The following PAICS variants were observed in gnomAD, a reference collection of about 807,000 sequenced individuals.
The protein encoded by PAICS is phosphoribosylaminoimidazole carboxylase and phosphoribosylaminoimidazolesuccinocarboxamide synthase.
Under a neutral mutation model 53.7 loss-of-function variants are expected in PAICS, and 33 were observed. The observed-to-expected ratio is 0.61, with a 90% CI of 0.47 to 0.82. PAICS has a LOEUF of 0.82. Ranked by LOEUF, PAICS falls within the 40% of genes least tolerant of loss-of-function variation. The probability of loss-of-function intolerance (pLI) is 0.00; values close to 1 mark genes in which losing one functional copy is unlikely to be tolerated. For synonymous variants in PAICS, 141 were observed against 167.2 expected, an observed-to-expected ratio of 0.84 and a Z score of 1.21; for missense variants, 394 against 494.1, an observed-to-expected ratio of 0.80 and a Z score of 1.92.
intron 1 of PAICS, among the ~76,000 whole-genome samples, chr4:56,437,576 A>G (rs1718082526): frequency 6.6e-6 from 1 of 151,964 alleles, no homozygotes; most frequent in South Asian, 2.1e-4. Flanking sequence ...AATCCCCAGC[A>G]CTTTGGGAGT....
rs1370337319 is a variant in PAICS, at chr4:56,452,037, A to T, written c.937A>T (p.Lys313Ter). The change falls in exon 7 of 9, where the codon AAA (lysine) becomes TAA (stop). Residue 313 changes from lysine (K) to a stop codon, truncating the protein, a stop_gained. Coordinates refer to ENST00000512576, the MANE Select transcript of PAICS (RefSeq NM_001079524.2). LOFTEE classifies it high-confidence loss of function. ...HKGPDETLRI[K>*]AEYEGDGIPT... Reference sequence around the variant, plus strand: ...AGGACCAGATGAAACTCTGAGGATTAAAGCTGAGTATGAAGGTAAACCACA... The same window carrying T: ...AGGACCAGATGAAACTCTGAGGATTTAAGCTGAGTATGAAGGTAAACCACA... 4.4e-6 allele frequency: 7 copies of T among 1,603,966 alleles called. No individual in the cohort carries two copies. The highest frequency in any genetic ancestry group is 5.1e-6 in the Non-Finnish European group (6 of 1,174,214).
Position 56,448,005 on chromosome 4 carries a change from TTC to T in PAICS, c.394-411_394-410del, listed in dbSNP as rs1373829037. Among the ~76,000 whole-genome samples, 59 of 110,302 alleles carry T rather than the reference TTC, an allele frequency of 5.3e-4. No individual in the cohort carries two copies. The South Asian group carries it at 7.4e-3, about 14-fold the overall frequency. The allele number at this position is 110,302 out of a possible 152,430, so 72.4% of individuals were successfully genotyped here. Reference sequence around the variant, plus strand: ...CACTGCACCTGGATCAAAATTTCTTTTCTTTTTTTTTTTTTTTTTTGAGATGG... The same window carrying T: ...CACTGCACCTGGATCAAAATTTCTTTTTTTTTTTTTTTTTTTTTGAGATGG... On this transcript the variant is annotated intron_variant, in intron 3 of 8. Coordinates refer to ENST00000512576, the MANE Select transcript of PAICS (RefSeq NM_001079524.2).
intron 1 of PAICS, among the ~76,000 whole-genome samples, chr4:56,441,200 A>AT: frequency 6.6e-6 from 1 of 152,128 alleles, no homozygotes; most frequent in East Asian, 1.9e-4. Flanking sequence ...AAAATCGCAT[A>AT]TTTTTTCCTG....
chr4:56,453,009 C>G (rs1431575115), intron 7 of PAICS, among the ~76,000 whole-genome samples: 1 of 152,052 alleles, frequency 6.6e-6, no homozygotes, highest in East Asian at 1.9e-4. Flanking sequence ...CAAATACATA[C>G]AATTTTGGAT....
At chr4:56,427,785 CCAAA>C in the PAICS span, among the ~76,000 whole-genome samples, 1 of 152,088 alleles carries the variant, frequency 6.6e-6, no homozygotes, top group African/African-American at 2.4e-5. Flanking sequence ...CATCATCACC[CCAAA>C]ATAATACTGG....
At chr4:56,447,749 T>C (rs1251143906) in intron 3 of PAICS, among the ~76,000 whole-genome samples, 1 of 152,204 alleles carries the variant, frequency 6.6e-6, no homozygotes, top group Non-Finnish European at 1.5e-5. Flanking sequence ...CTAAATACTT[T>C]GAATTTTAAA....
chr4:56,414,881 A>T, the PAICS span, among the ~76,000 whole-genome samples: 1 of 152,208 alleles, frequency 6.6e-6, no homozygotes, highest in Non-Finnish European at 1.5e-5. Flanking sequence ...TTCCTCGACA[A>T]CATTTTAGCC....
rs1293713571 is a variant in PAICS, at chr4:56,448,780, G to A, written c.644G>A (p.Arg215Lys). The A allele has an allele frequency of 1.3e-6, 2 of 1,597,372 alleles. No homozygotes were observed. The highest frequency in any genetic ancestry group is 1.7e-6 in the Non-Finnish European group (2 of 1,170,632). ...LADVIDNDSW[R>K]LWPSGDRSQQ... ...GATGTTATTGACAATGATTCCTGGA[G>A]ACTCTGGCCATCAGGAGATCGAAGC... Residue 215 changes from arginine (R) to lysine (K), a missense_variant, in exon 5 of 9, where the codon AGA becomes AAA. Coordinates refer to ENST00000512576, the MANE Select transcript of PAICS (RefSeq NM_001079524.2).
At chr4:56,437,067 G>T (rs1718034642) in intron 1 of PAICS, among the ~76,000 whole-genome samples, 1 of 152,058 alleles carries the variant, frequency 6.6e-6, no homozygotes. Context: ...GTGTGTGTGT[G>T]TGTGTGCACG....
chr4:56,412,408 A>AAATGATCCTCC, the PAICS span, among the ~76,000 whole-genome samples: 1 of 151,854 alleles, frequency 6.6e-6, no homozygotes, highest in East Asian at 1.9e-4. Flanking sequence ...TCCAGGACTC[A>AAATGATCCTCC]AATGATCCTC....
At chr4:56,429,836 A>T in the PAICS span, among the ~76,000 whole-genome samples, 1 of 152,190 alleles carries the variant, frequency 6.6e-6, no homozygotes, top group Non-Finnish European at 1.5e-5. Context: ...TTCTATCACC[A>T]TAGATTAGTT....
At chr4:56,449,233 G>A (rs145950771) in intron 5 of PAICS, among the ~76,000 whole-genome samples, 8,335 of 152,162 alleles carry the variant, frequency 0.055, 340 homozygotes, top group Non-Finnish European at 0.089. Flanking sequence ...CTTCTCAAAA[G>A]AAGACATTTA....
chr4:56,459,875 A>G lies in PAICS; in HGVS notation c.*337A>G, dbSNP rs1401873900. On this transcript the variant is annotated 3_prime_UTR_variant, in exon 9 of 9. Coordinates refer to ENST00000512576, the MANE Select transcript of PAICS (RefSeq NM_001079524.2). ...AAACTGGCATTACTGACTCCCAGCT[A>G]TATTTCTCCAGACTTGCATTTTTTT... 2 of 169,868 alleles carry G rather than the reference A, an allele frequency of 1.2e-5. No individual in the cohort carries two copies. Among genetic ancestry groups the G allele is most frequent in the East Asian group, 1.6e-4 (1 of 6,196 alleles). The allele number at this position is 169,868 out of a possible 1,614,324, so 10.5% of individuals were successfully genotyped here. A position where few individuals can be genotyped will look rare whatever the true frequency, so the allele number is the denominator to read the frequency against.
intron 8 of PAICS, among the ~76,000 whole-genome samples, chr4:56,454,586 T>C (rs1560664535): frequency 1.3e-5 from 2 of 152,186 alleles, no homozygotes; most frequent in Non-Finnish European, 2.9e-5. Flanking sequence ...ATTTAGTTGA[T>C]AATCTCTTGA....
In PAICS at chr4:56,448,738, A is replaced by G; in HGVS notation, c.602A>G (p.Lys201Arg). Residue 201 changes from lysine (K) to arginine (R), a missense_variant, in exon 5 of 9, where the codon AAA becomes AGA. Lys to Arg is a conservative substitution (Grantham distance 26). Coordinates refer to ENST00000512576, the MANE Select transcript of PAICS (RefSeq NM_001079524.2). ...KIEFGVDVTTKEIVLADVIDN... is the reference protein window; with the variant it reads ...KIEFGVDVTTREIVLADVIDN... ...GAATTTGGTGTTGATGTAACCACCA[A>G]AGAAATTGTTCTTGCTGATGTTATT... is the stretch of plus-strand genomic sequence containing the variant. 1 of 1,596,046 alleles carries G rather than the reference A, an allele frequency of 6.3e-7. No homozygotes were observed. The highest frequency in any genetic ancestry group is 8.6e-7 in the Non-Finnish European group (1 of 1,169,490).
chr4:56,434,369 TAACTG>T (rs929075439), upstream of PAICS, among the ~76,000 whole-genome samples: 51 of 152,236 alleles, frequency 3.4e-4, no homozygotes, highest in African/African-American at 1.2e-3. Flanking sequence ...CCAAGTTCCT[TAACTG>T]TAGTGTAAGT....
chr4:56,417,975 G>A, the PAICS span, among the ~76,000 whole-genome samples: 1 of 151,724 alleles, frequency 6.6e-6, no homozygotes. Flanking sequence ...GAGTAGCTGG[G>A]ATTACAGGTG....
chr4:56,437,002 AG>A (rs1352410573), intron 1 of PAICS, among the ~76,000 whole-genome samples: 4 of 152,238 alleles, frequency 2.6e-5, no homozygotes, highest in Non-Finnish European at 5.9e-5. Context: ...GTCTCAAAAA[AG>A]AAAAAGAAAA....
chr4:56,432,301 G>A (rs978222770), upstream of PAICS, among the ~76,000 whole-genome samples: 5 of 152,120 alleles, frequency 3.3e-5, no homozygotes, highest in African/African-American at 4.8e-5. Context: ...ACCGAAGAGG[G>A]TGGATCACTT....
Sources: allele counts gnomAD v4.1 joint callset (sites outside exome capture counted in the v4.1 genomes callset), GRCh38; gene constraint gnomAD v4.1.1; transcripts MANE v1.5; gene names NCBI Gene and HGNC (gene_info 2026-07-23, HGNC 2026-07-21).